PDZD2: variants seen among roughly 807,000 people sequenced by gnomAD.
PDZD2 encodes PDZ domain containing 2, also known as PDZ domain-containing protein 2.
Under a neutral mutation model 220.7 loss-of-function variants are expected in PDZD2, and 90 were observed. The ratio of observed to expected loss-of-function variants is 0.41; its 90% CI spans 0.34 to 0.49. PDZD2 has a LOEUF of 0.49. Among genes scored for constraint, PDZD2 ranks in the 20% least tolerant of loss-of-function variants. The probability of loss-of-function intolerance (pLI) is 0.28; values close to 1 mark genes in which losing one functional copy is unlikely to be tolerated. For synonymous variants in PDZD2, 1,375 were observed against 1,450.5 expected (o/e 0.95, Z 1.18); for missense variants, 3,174 against 3,608.5 (o/e 0.88, Z 3.08).
At chr5:31,934,204 CT>C (rs1745529273) in intron 2 of PDZD2, among the ~76,000 whole-genome samples, 1 of 143,800 alleles carries the variant, frequency 7.0e-6, no homozygotes, top group Admixed American at 7.0e-5. Flanking sequence ...TCCCTCACTT[CT>C]TTTAAAAGAA....
At chr5:31,813,497 T>C (rs1580808436) in intron 2 of PDZD2, among the ~76,000 whole-genome samples, 2 of 141,230 alleles carry the variant, frequency 1.4e-5, no homozygotes, top group South Asian at 4.8e-4. Flanking sequence ...ACAACGTGAA[T>C]ACAAATAGTT....
chr5:31,967,941 A>G (rs986097328), intron 2 of PDZD2, among the ~76,000 whole-genome samples: 2 of 152,246 alleles, frequency 1.3e-5, no homozygotes, highest in Non-Finnish European at 2.9e-5. Flanking sequence ...GAAAGTAAAA[A>G]ATAAAATGCA....
At chr5:31,950,461 G>A (rs1747084533) in intron 2 of PDZD2, among the ~76,000 whole-genome samples, 1 of 152,220 alleles carries the variant, frequency 6.6e-6, no homozygotes, top group South Asian at 2.1e-4. Flanking sequence ...GATGGTATGG[G>A]AAGACAGGGT....
intron 1 of PDZD2, among the ~76,000 whole-genome samples, chr5:31,652,731 C>T (rs1002954418): frequency 1.3e-5 from 2 of 152,186 alleles, no homozygotes; most frequent in African/African-American, 4.8e-5. Flanking sequence ...AACATAGTGG[C>T]CAGGCGCAGT....
intron 2 of PDZD2, among the ~76,000 whole-genome samples, chr5:31,863,791 A>T (rs1178802394): frequency 2.0e-5 from 3 of 152,198 alleles, no homozygotes; most frequent in African/African-American, 7.2e-5. Flanking sequence ...CTGTTTTTGT[A>T]ACTTACATCT....
intron 21 of PDZD2, among the ~76,000 whole-genome samples, chr5:32,093,471 A>G (rs547545405): frequency 6.6e-6 from 1 of 152,258 alleles, no homozygotes; most frequent in East Asian, 1.9e-4. Context: ...GGACCCCTGA[A>G]CAACATGAGG....
chr5:31,993,046 T>G (rs543620545), intron 3 of PDZD2, among the ~76,000 whole-genome samples: 6 of 152,224 alleles, frequency 3.9e-5, no homozygotes, highest in African/African-American at 1.4e-4. Context: ...GTGTTGAAAG[T>G]TGCCATCTTG....
intron 1 of PDZD2, among the ~76,000 whole-genome samples, chr5:31,665,448 TG>T (rs1225522413): frequency 4.6e-5 from 7 of 152,110 alleles, no homozygotes; most frequent in Non-Finnish European, 1.0e-4. Context: ...TTTTATTTAT[TG>T]GGGTTTGAAA....
At chr5:32,097,434 G>A (rs1743828181) in intron 22 of PDZD2, 54 bp downstream of exon 22, 1 of 1,065,356 alleles carries the variant, frequency 9.4e-7, no homozygotes, top group African/African-American at 1.6e-5. Context: ...AGCAGCCTCA[G>A]AATGTGATCA....
At chr5:31,849,905 CATATATATATATACATATATATATAT>C (rs1561506917) in intron 2 of PDZD2, among the ~76,000 whole-genome samples, 1,048 of 22,026 alleles carry the variant, frequency 0.048, 334 homozygotes, top group African/African-American at 0.2. Context: ...TATATATATA[CATATATATATATACATATATATATAT>C]ACACATATAT....
intron 5 of PDZD2, among the ~76,000 whole-genome samples, chr5:32,003,149 ACAC>A (rs1370759027): frequency 0.11 from 1,642 of 14,706 alleles, 72 homozygotes; most frequent in African/African-American, 0.13. Flanking sequence ...CACACACCAC[ACAC>A]CACCAACACA....
chr5:31,764,325 C>T (rs1325684561), intron 1 of PDZD2, among the ~76,000 whole-genome samples: 1 of 152,182 alleles, frequency 6.6e-6, no homozygotes, highest in Non-Finnish European at 1.5e-5. Flanking sequence ...TCGTCCTTCA[C>T]GCCCCTTCAT....
intron 2 of PDZD2, among the ~76,000 whole-genome samples, chr5:31,943,794 G>T (rs897035326): frequency 1.3e-5 from 2 of 152,178 alleles, no homozygotes; most frequent in African/African-American, 4.8e-5. Flanking sequence ...TTAAACATCT[G>T]TCTATCTTAA....
At chr5:31,877,865 T>G (rs557871512) in intron 2 of PDZD2, among the ~76,000 whole-genome samples, 1 of 152,204 alleles carries the variant, frequency 6.6e-6, no homozygotes, top group South Asian at 2.1e-4. Flanking sequence ...AATTTTGTAT[T>G]TTTAGTAGAG....
intron 2 of PDZD2, among the ~76,000 whole-genome samples, chr5:31,897,114 C>T (rs1048321383): frequency 1.1e-4 from 17 of 150,976 alleles, no homozygotes; most frequent in African/African-American, 4.1e-4. Context: ...ATACATCACT[C>T]GTGAAAAATA....
At chr5:31,739,153 T>C (rs948698258) in intron 1 of PDZD2, among the ~76,000 whole-genome samples, 1 of 152,214 alleles carries the variant, frequency 6.6e-6, no homozygotes, top group African/African-American at 2.4e-5. Context: ...CCCAATGTGC[T>C]GGGATTACAG....
chr5:32,050,993 A>G (rs1346954457), intron 8 of PDZD2, among the ~76,000 whole-genome samples: 2 of 152,164 alleles, frequency 1.3e-5, no homozygotes, highest in African/African-American at 4.8e-5. Flanking sequence ...AATTTTAATT[A>G]ATTTTAATAT....
At chr5:31,912,361 C>T (rs552962181) in intron 2 of PDZD2, among the ~76,000 whole-genome samples, 7 of 152,256 alleles carry the variant, frequency 4.6e-5, no homozygotes, top group South Asian at 2.1e-4. Flanking sequence ...ATGACCTTAT[C>T]GCTTCCCAAA....
intron 1 of PDZD2, among the ~76,000 whole-genome samples, chr5:31,660,835 C>T (rs190129486): frequency 1.3e-5 from 2 of 152,300 alleles, no homozygotes; most frequent in African/African-American, 2.4e-5. Flanking sequence ...CAGTCCTCCC[C>T]CCTCAGCCTC....
Sources: allele counts gnomAD v4.1 joint callset (sites outside exome capture counted in the v4.1 genomes callset), GRCh38; gene constraint gnomAD v4.1.1; transcripts MANE v1.5; gene names NCBI Gene and HGNC (gene_info 2026-07-23, HGNC 2026-07-21).